Variants in NOL10 observed in about 807,000 individuals in gnomAD.
NOL10 encodes the protein H_NH0074G24.1.
Under a neutral mutation model 103.5 loss-of-function variants are expected in NOL10, and 58 were observed. The observed-to-expected ratio is 0.56, with a 90% CI of 0.45 to 0.70. NOL10 has a LOEUF of 0.70. Among genes scored for constraint, NOL10 ranks in the 30% least tolerant of loss-of-function variants. The pLI is 0.00. For missense variants in NOL10, 763 were observed against 807.3 expected (o/e 0.95, Z 0.67); for synonymous variants, 287 against 282.5 (o/e 1.02, Z -0.16).
At chr2:10,647,524 C>T (rs542366421) in intron 12 of NOL10, among the ~76,000 whole-genome samples, 3 of 152,102 alleles carry the variant, frequency 2.0e-5, no homozygotes, top group Non-Finnish European at 4.4e-5. Flanking sequence ...TTAGAAAATT[C>T]GAAACAAAAC....
At chr2:10,581,035 T>G (rs1034144730) in intron 19 of NOL10, among the ~76,000 whole-genome samples, 1 of 152,252 alleles carries the variant, frequency 6.6e-6, no homozygotes, top group African/African-American at 2.4e-5. Flanking sequence ...AATATTTACA[T>G]ATGCCATAAG....
intron 13 of NOL10, among the ~76,000 whole-genome samples, chr2:10,624,738 T>C (rs1677355025): frequency 6.6e-6 from 1 of 152,104 alleles, no homozygotes; most frequent in Non-Finnish European, 1.5e-5. Flanking sequence ...CTAAACGTAT[T>C]GTGACCATAT....
intron 3 of NOL10, among the ~76,000 whole-genome samples, chr2:10,677,753 G>A (rs984447894): frequency 1.3e-5 from 2 of 151,930 alleles, no homozygotes; most frequent in Non-Finnish European, 2.9e-5. Flanking sequence ...AATTACAGGC[G>A]TGAGCCACCG....
At position 10,588,966 on chromosome 2, in the gene NOL10, C is replaced by CT. The variant is rs1289714083; in HGVS notation, c.1844+76dup. 4 of 1,565,740 alleles carry CT rather than the reference C, an allele frequency of 2.6e-6. No individual in the cohort carries two copies. The African/African-American group carries it at 5.4e-5, about 21-fold the overall frequency. On this transcript the variant is annotated intron_variant, in intron 19 of 20. Coordinates refer to ENST00000381685, the MANE Select transcript of NOL10 (RefSeq NM_024894.4). ...CATCATCCAAAGACAGAAATGTCAT[C>CT]TTTAGGGCAATGTGCCAGAGAGGAA... is the stretch of plus-strand genomic sequence containing the variant.
intron 12 of NOL10, among the ~76,000 whole-genome samples, chr2:10,646,846 T>G (rs951527862): frequency 5.9e-5 from 9 of 152,156 alleles, no homozygotes; most frequent in Non-Finnish European, 8.8e-5. Flanking sequence ...CATGATCAAG[T>G]AAGAAACCAT....
At chr2:10,647,591 A>G (rs1456780326) in intron 12 of NOL10, among the ~76,000 whole-genome samples, 2 of 152,180 alleles carry the variant, frequency 1.3e-5, no homozygotes, top group Admixed American at 6.5e-5. Flanking sequence ...GCGCAAAAAC[A>G]TATGGCATCA....
At chr2:10,689,414 A>G (rs1479548150) in intron 1 of NOL10, among the ~76,000 whole-genome samples, 1 of 152,174 alleles carries the variant, frequency 6.6e-6, no homozygotes, top group African/African-American at 2.4e-5. Flanking sequence ...GGGACTCCAC[A>G]AACAGCTGAT....
intron 17 of NOL10, 35 bp downstream of exon 17, chr2:10,600,818 C>T (rs770432540): frequency 4.8e-5 from 65 of 1,345,250 alleles, no homozygotes; most frequent in South Asian, 1.4e-4. Context: ...ATCAACAAAA[C>T]GCAGAAACAA....
chr2:10,658,226 T>C (rs190296278), intron 10 of NOL10, among the ~76,000 whole-genome samples: 33 of 152,230 alleles, frequency 2.2e-4, no homozygotes, highest in African/African-American at 7.0e-4. Flanking sequence ...GCAACAGATA[T>C]AAACAAAAAT....
rs906043676 is a variant in NOL10 at position 10,659,167 on chromosome 2, T to C, written c.756+5A>G. 1.3e-6 allele frequency: 2 copies of C among 1,588,112 alleles called. No homozygotes were observed. The highest frequency in any genetic ancestry group is 3.5e-5 in the Admixed American group (2 of 56,968). On this transcript the variant is annotated splice_donor_5th_base_variant and intron_variant, in intron 10 of 20. Transcript: ENST00000381685. ...ACATGTGGTTTCCAAATTAAACATA[T>C]TTACCTGCCCTGTGGTTGTTCCAAC...
intron 13 of NOL10, among the ~76,000 whole-genome samples, chr2:10,633,793 A>G (rs998527261): frequency 1.8e-3 from 276 of 149,394 alleles, no homozygotes; most frequent in African/African-American, 6.5e-3. Context: ...GTTTATATGT[A>G]TGTGTGTGTG....
chr2:10,644,840 A>G (rs948025640), intron 12 of NOL10, among the ~76,000 whole-genome samples: 2 of 152,240 alleles, frequency 1.3e-5, no homozygotes, highest in Admixed American at 6.5e-5. Flanking sequence ...GGAGCAACCT[A>G]TAAGTACATT....
intron 19 of NOL10, among the ~76,000 whole-genome samples, chr2:10,579,159 A>C (rs1360081470): frequency 2.0e-5 from 3 of 152,370 alleles, no homozygotes; most frequent in South Asian, 2.1e-4. Context: ...ACTCGTAGTA[A>C]TGTACTAAAC....
At chr2:10,589,960 T>C (rs1342882518) in intron 17 of NOL10, among the ~76,000 whole-genome samples, 3 of 152,060 alleles carry the variant, frequency 2.0e-5, no homozygotes, top group Non-Finnish European at 2.9e-5. Flanking sequence ...TAATCTACTT[T>C]GCAGATGCTC....
chr2:10,663,366 CA>C (rs35569218), intron 8 of NOL10, among the ~76,000 whole-genome samples: 181 of 125,470 alleles, frequency 1.4e-3, no homozygotes, highest in Middle Eastern at 4.3e-3. Context: ...GACTTCGTCT[CA>C]AAAAAAAAAA....
intron 19 of NOL10, among the ~76,000 whole-genome samples, chr2:10,584,654 C>T (rs969655918): frequency 6.6e-6 from 1 of 152,200 alleles, no homozygotes; most frequent in South Asian, 2.1e-4. Flanking sequence ...TGGTTTAATG[C>T]TTCACCAAAT....
Position 10,673,613 on chromosome 2 carries a change from C to T in NOL10, c.290-56G>A, listed in dbSNP as rs372441745. ...TATCAAACAATATTCTTAGTAACAA[C>T]GCAAACCTGATGCAAAGATTCTAAT... On this transcript the variant is annotated intron_variant, in intron 4 of 20. Coordinates refer to ENST00000381685, the MANE Select transcript of NOL10 (RefSeq NM_024894.4). 514 of 1,166,124 alleles carry T rather than the reference C, an allele frequency of 4.4e-4. 3 individuals carry two copies. The African/African-American group carries it at 7.1e-3, about 16-fold the overall frequency. 72.2% of individuals were successfully genotyped at this position (1,166,124 alleles called of 1,614,324 possible).
chr2:10,577,265 G>A (rs189708656), intron 20 of NOL10, among the ~76,000 whole-genome samples: 1 of 152,294 alleles, frequency 6.6e-6, no homozygotes, highest in African/African-American at 2.4e-5. Flanking sequence ...CATCCTCAGA[G>A]GGTCAGGATG....
At chr2:10,668,623 A>G in intron 7 of NOL10, 35 bp downstream of exon 7, 1 of 1,163,610 alleles carries the variant, frequency 8.6e-7, no homozygotes, top group Non-Finnish European at 1.2e-6. Context: ...CCTCCTGGTC[A>G]AAATGTATAT....
Sources: allele counts gnomAD v4.1 joint callset (sites outside exome capture counted in the v4.1 genomes callset), GRCh38; gene constraint gnomAD v4.1.1; transcripts MANE v1.5; gene names NCBI Gene and HGNC (gene_info 2026-07-23, HGNC 2026-07-21).